NRG4: variants seen among roughly 807,000 people sequenced by gnomAD.
NRG4 encodes pro-neuregulin-4, membrane-bound isoform.
Under a neutral mutation model 15.0 loss-of-function variants are expected in NRG4, and 10 were observed. The ratio of observed to expected loss-of-function variants is 0.67; its 90% CI spans 0.41 to 1.13. NRG4 has a LOEUF of 1.13. Ranked by LOEUF, NRG4 falls within the 50% of genes most tolerant of loss-of-function variation. The pLI, the probability that NRG4 is intolerant of heterozygous loss-of-function variation, is 0.00. For missense variants in NRG4, 139 were observed against 140.2 expected (o/e 0.99, Z 0.04); for synonymous variants, 41 against 50.1 (o/e 0.82, Z 0.77).
chr15:76,018,362 T>C (rs2035051300), intron 5 of NRG4, among the ~76,000 whole-genome samples: 2 of 152,206 alleles, frequency 1.3e-5, no homozygotes, highest in African/African-American at 2.4e-5. Flanking sequence ...TCCAGTTTTG[T>C]TCCCTTGCTG....
chr15:76,056,079 T>G (rs2141971651), intron 2 of NRG4, among the ~76,000 whole-genome samples: 1 of 152,330 alleles, frequency 6.6e-6, no homozygotes, highest in South Asian at 2.1e-4. Flanking sequence ...CCACACAGAC[T>G]GCATGCACAT....
chr15:75,955,830 C>G, intron 5 of NRG4, 102 bp downstream of exon 5: 1 of 555,242 alleles, frequency 1.8e-6, no homozygotes, highest in Non-Finnish European at 3.0e-6. Flanking sequence ...AGTTTAGGCT[C>G]AACCTTTTTT....
chr15:76,015,030 T>C (rs1405684047), upstream of NRG4, among the ~76,000 whole-genome samples: 1 of 152,190 alleles, frequency 6.6e-6, no homozygotes, highest in African/African-American at 2.4e-5. Context: ...TGAGCAGTGG[T>C]TTGTAGTTCT....
intron 3 of NRG4, among the ~76,000 whole-genome samples, chr15:75,982,624 C>G (rs1328605238): frequency 6.6e-6 from 1 of 152,152 alleles, no homozygotes; most frequent in Non-Finnish European, 1.5e-5. Context: ...GGAGGTCACG[C>G]TAGTTTGGAG....
At chr15:76,002,288 T>C (rs2034443160) in intron 3 of NRG4, among the ~76,000 whole-genome samples, 1 of 152,142 alleles carries the variant, frequency 6.6e-6, no homozygotes, top group South Asian at 2.1e-4. Flanking sequence ...ATTAAGAATA[T>C]ATACTGTAAT....
intron 5 of NRG4, among the ~76,000 whole-genome samples, chr15:75,952,125 C>T (rs551400950): frequency 1.3e-5 from 2 of 152,226 alleles, no homozygotes; most frequent in East Asian, 1.9e-4. Context: ...TTAAATTGTA[C>T]AATTCAATGG....
At chr15:75,968,875 A>G (rs1318778032) in intron 3 of NRG4, among the ~76,000 whole-genome samples, 1 of 152,234 alleles carries the variant, frequency 6.6e-6, no homozygotes, top group Non-Finnish European at 1.5e-5. Flanking sequence ...AAGTATCTAT[A>G]CATAGAAATT....
chr15:75,961,979 A>G lies in NRG4; in HGVS notation c.105-5T>C, dbSNP rs1171700190. ...CCTGTATAGTTTTCAACGCACCTAC[A>G]GAATAAAATTTTAGATAAAGAATTG... On this transcript the variant is annotated splice_region_variant and splice_polypyrimidine_tract_variant and intron_variant, in intron 3 of 5. Transcript: ENST00000394907. 4.4e-6 allele frequency: 7 copies of G among 1,593,254 alleles called. No individual in the cohort carries two copies. In the Admixed American group the frequency reaches 1.1e-4, roughly 25 times the overall value.
chr15:75,997,736 C>T (rs1325950592), intron 3 of NRG4, among the ~76,000 whole-genome samples: 1 of 152,184 alleles, frequency 6.6e-6, no homozygotes, highest in African/African-American at 2.4e-5. Flanking sequence ...AGCCCTTCTC[C>T]ATCTCTTGGC....
chr15:75,989,037 T>G (rs1264335257), intron 3 of NRG4, among the ~76,000 whole-genome samples: 9 of 152,002 alleles, frequency 5.9e-5, no homozygotes, highest in Non-Finnish European at 5.9e-5. Flanking sequence ...TTAAATTTTT[T>G]TGTAGAGATG....
At chr15:75,952,592 GTT>G (rs534824735) in intron 5 of NRG4, among the ~76,000 whole-genome samples, 1 of 142,932 alleles carries the variant, frequency 7.0e-6, no homozygotes, top group Non-Finnish European at 1.5e-5. Context: ...CCTCCTCAAA[GTT>G]TTTTTTTTTT....
rs137935316 is a variant in NRG4 at position 75,977,313 on chromosome 15, C to T, written c.105-15339G>A. On this transcript the variant is annotated intron_variant, in intron 3 of 5. Coordinates refer to ENST00000394907, the MANE Select transcript of NRG4 (RefSeq NM_138573.4). The surrounding 1 kb of genome is among the most constrained non-coding windows in gnomAD (Gnocchi z 4.9). ...CACTTGGCTCCCTGGCTTCAGCCCC[C>T]TTTCCAGGGGAGTGAACGGTTCTGT... Among the ~76,000 whole-genome samples the T allele has an allele frequency of 0.039, 6,003 of 152,246 alleles. 215 individuals carry two copies. The highest frequency in any genetic ancestry group is 0.094 in the African/African-American group (3,897 of 41,512).
intron 3 of NRG4, among the ~76,000 whole-genome samples, chr15:75,990,881 C>T (rs569055409): frequency 1.4e-4 from 21 of 151,946 alleles, no homozygotes; most frequent in Admixed American, 1.3e-3. Context: ...GACAGGGTTG[C>T]CCAGGCTGGT....
chr15:76,043,700 C>T (rs1217008686), intron 4 of NRG4, among the ~76,000 whole-genome samples: 2 of 152,166 alleles, frequency 1.3e-5, no homozygotes, highest in African/African-American at 2.4e-5. Context: ...ATTGTTAAAA[C>T]GTCCACACTA....
chr15:75,976,122 G>A (rs2033353350), intron 3 of NRG4, among the ~76,000 whole-genome samples: 2 of 151,786 alleles, frequency 1.3e-5, no homozygotes, highest in Non-Finnish European at 2.9e-5. Flanking sequence ...CCACTTGATC[G>A]ATTTGTCTAT....
intron 5 of NRG4, among the ~76,000 whole-genome samples, chr15:75,946,785 C>G (rs2141770922): frequency 6.6e-6 from 1 of 152,320 alleles, no homozygotes; most frequent in South Asian, 2.1e-4. Flanking sequence ...ATTCTAGGTG[C>G]CTTGTATACG....
intron 3 of NRG4, among the ~76,000 whole-genome samples, chr15:75,993,392 TAAAA>T (rs60453624): frequency 5.5e-5 from 4 of 72,178 alleles, no homozygotes; most frequent in African/African-American, 1.0e-4. Context: ...GAGGATTCTG[TAAAA>T]AAAAAAAAAA....
intron 5 of NRG4, among the ~76,000 whole-genome samples, chr15:76,029,067 C>G (rs1158589120): frequency 6.6e-6 from 1 of 151,918 alleles, no homozygotes; most frequent in Non-Finnish European, 1.5e-5. Context: ...TACTAGCAAG[C>G]CAAATCCAAA....
chr15:76,050,690 C>T (rs1434397072), intron 4 of NRG4, among the ~76,000 whole-genome samples: 2 of 147,310 alleles, frequency 1.4e-5, no homozygotes, highest in South Asian at 2.1e-4. Context: ...CTGATCTGCC[C>T]GCCTTGGCCT....
Sources: allele counts gnomAD v4.1 joint callset (sites outside exome capture counted in the v4.1 genomes callset), GRCh38; gene constraint gnomAD v4.1.1; non-coding constraint Gnocchi (gnomAD v3.1); transcripts MANE v1.5; gene names NCBI Gene and HGNC (gene_info 2026-07-23, HGNC 2026-07-21).